ZNF197: variants seen among roughly 807,000 people sequenced by gnomAD.
The protein encoded by ZNF197 is VHL-associated KRAB-A domain-containing protein.
In ZNF197, 14 loss-of-function variants were observed where a neutral mutation model predicts 27.4. The ratio of observed to expected loss-of-function variants is 0.51; its 90% confidence interval spans 0.34 to 0.80. The LOEUF is 0.80. Among genes scored for constraint, ZNF197 ranks in the 30% least tolerant of loss-of-function variants. The pLI is 0.02. For missense variants in ZNF197, 1,090 were observed against 1,222.6 expected (o/e 0.89, Z 1.62); for synonymous variants, 415 against 420.0 (o/e 0.99, Z 0.15).
chr3:44,642,739 C>T lies in ZNF197; in HGVS notation c.1609C>T (p.Pro537Ser). The part of the protein sequence containing the change: ...LHQRIHSGEK[P>S]YKCDECGKTF... ...CCAGAGAATCCACTCTGGGGAAAAA[C>T]CCTATAAATGTGATGAATGTGGAAA... The change falls in exon 6 of 6, where the codon CCC becomes TCC. Residue 537 changes from proline (P) to serine (S), a missense_variant. Transcript: ENST00000344387. 6.2e-7 allele frequency: 1 copy of T among 1,613,774 alleles called. No individual in the cohort carries two copies. Among genetic ancestry groups the T allele is most frequent in the Non-Finnish European group, 8.5e-7 (1 of 1,179,996 alleles).
In ZNF197 at chr3:44,642,242, A is replaced by C; in HGVS notation, c.1112A>C (p.Lys371Thr). The change falls in exon 6 of 6, where the codon AAA becomes ACA. Residue 371 changes from lysine (K) to threonine (T), a missense_variant. Transcript: ENST00000344387. ...GGTACTGAAGGAAAGAAGTTTTATA[A>C]ATGTGATATGTGTTGTAAACATTTT... ...LIGTEGKKFY[K>T]CDMCCKHFNK... The C allele has an allele frequency of 6.2e-7, 1 of 1,614,104 alleles. No homozygotes were observed.
At chr3:44,634,531 C>T (rs1297465378) in intron 5 of ZNF197, among the ~76,000 whole-genome samples, 1 of 151,964 alleles carries the variant, frequency 6.6e-6, no homozygotes, top group Non-Finnish European at 1.5e-5. Flanking sequence ...CTCACTGTAA[C>T]CTCTGCCTCC....
chr3:44,642,719 G>A lies in ZNF197; in HGVS notation c.1589G>A (p.Arg530Lys), dbSNP rs749732592. ...ILKKSLILHQRIHSGEKPYKC... is the reference protein window; with the variant it reads ...ILKKSLILHQKIHSGEKPYKC... ...AAGAAGAGCCTCATTCTGCACCAGA[G>A]AATCCACTCTGGGGAAAAACCCTAT... The change falls in exon 6 of 6, where the codon AGA becomes AAA. Residue 530 changes from arginine to lysine, a missense_variant. Coordinates refer to ENST00000344387, the MANE Select transcript of ZNF197 (RefSeq NM_006991.5). 3.1e-6 allele frequency: 5 copies of A among 1,613,858 alleles called. No homozygotes were observed. In the Admixed American group the frequency reaches 8.3e-5, roughly 27 times the overall value.
At chr3:44,638,234 A>G (rs1702413540) in intron 5 of ZNF197, among the ~76,000 whole-genome samples, 1 of 150,074 alleles carries the variant, frequency 6.7e-6, no homozygotes, top group Non-Finnish European at 1.5e-5. Flanking sequence ...TGTTTTATTA[A>G]TTTTCTTTGT....
In ZNF197 at chr3:44,646,147, C is replaced by G. The variant is rs1219096487; in HGVS notation, c.*1927C>G. 6 of 984,600 alleles carry G rather than the reference C, an allele frequency of 6.1e-6. No individual in the cohort carries two copies. In the African/African-American group the frequency reaches 1.0e-4, roughly 17 times the overall value. The allele number at this position is 984,600 out of a possible 1,614,324, so 61.0% of individuals were successfully genotyped here. ...AAAGTCTTAAGACCTGGATGTGGTT[C>G]AGGTTTTGCCATCTGCCTCAGAAAA... On this transcript the variant is annotated 3_prime_UTR_variant, in exon 6 of 6. Transcript: ENST00000344387.
intron 2 of ZNF197, among the ~76,000 whole-genome samples, chr3:44,630,638 A>G (rs1575462290): frequency 6.6e-6 from 1 of 152,184 alleles, no homozygotes; most frequent in East Asian, 1.9e-4. Flanking sequence ...CTTGGTGCCA[A>G]TTTTAGTGTT....
chr3:44,635,264 A>T (rs2125807933), intron 5 of ZNF197, among the ~76,000 whole-genome samples: 1 of 152,270 alleles, frequency 6.6e-6, no homozygotes, highest in East Asian at 1.9e-4. Context: ...AAATTAAAAA[A>T]AAAATGTGCA....
chr3:44,626,363 G>A (rs1292210497), intron 1 of ZNF197, among the ~76,000 whole-genome samples: 1 of 151,990 alleles, frequency 6.6e-6, no homozygotes, highest in African/African-American at 2.4e-5. Context: ...AGTGAAAAAG[G>A]TCTTTCTAAT....
chr3:44,631,741 G>C (rs1437715872), intron 3 of ZNF197, among the ~76,000 whole-genome samples: 5 of 134,794 alleles, frequency 3.7e-5, no homozygotes, highest in Non-Finnish European at 6.3e-5. Flanking sequence ...TCGCTCTGTT[G>C]CCAGGCTGGA....
At chr3:44,634,919 T>G (rs1483109983) in intron 5 of ZNF197, among the ~76,000 whole-genome samples, 1 of 151,948 alleles carries the variant, frequency 6.6e-6, no homozygotes, top group Non-Finnish European at 1.5e-5. Flanking sequence ...ACTCCTGGCC[T>G]CAAGCAAACC....
At chr3:44,631,844 G>A (rs1702024707) in intron 3 of ZNF197, among the ~76,000 whole-genome samples, 1 of 152,090 alleles carries the variant, frequency 6.6e-6, no homozygotes, top group Non-Finnish European at 1.5e-5. Flanking sequence ...GGGACTACAG[G>A]CACGTGCCAC....
chr3:44,632,300 A>C, intron 4 of ZNF197, 104 bp downstream of exon 4: 1 of 1,523,360 alleles, frequency 6.6e-7, no homozygotes, highest in Admixed American at 1.7e-5. Context: ...CCCATTTCTA[A>C]ATCAGGGTCT....
chr3:44,625,568 G>A (rs1466344001), intron 1 of ZNF197, among the ~76,000 whole-genome samples: 1 of 152,140 alleles, frequency 6.6e-6, no homozygotes, highest in Non-Finnish European at 1.5e-5. Context: ...TTTGTTTTAA[G>A]GGGTGGAACG....
chr3:44,630,981 G>A (rs771049560), intron 2 of ZNF197, 81 bp from the exon 3 acceptor site: 2 of 1,577,184 alleles, frequency 1.3e-6, no homozygotes, highest in South Asian at 1.1e-5. Context: ...GTAGATTGTG[G>A]GCAGAAAGAG....
rs1702861650 is a variant in ZNF197 at position 44,644,829 on chromosome 3, G to A, written c.*609G>A. 1 of 971,904 alleles carries A rather than the reference G, an allele frequency of 1.0e-6. No individual in the cohort carries two copies. Among genetic ancestry groups the A allele is most frequent in the Non-Finnish European group, 1.2e-6 (1 of 817,818 alleles). 60.2% of individuals were successfully genotyped at this position (971,904 alleles called of 1,614,324 possible). On this transcript the variant is annotated 3_prime_UTR_variant, in exon 6 of 6. Coordinates refer to ENST00000344387, the MANE Select transcript of ZNF197 (RefSeq NM_006991.5). ...GAGCCCAGGAGTTCGAGACAAGCCT[G>A]GGTAACACGGGGAGACCCGTCTTTA...
rs77821492 is a variant in ZNF197, at chr3:44,626,209, T to G, written c.-82+1066T>G. 8.8e-3 allele frequency among the ~76,000 whole-genome samples: 1,338 copies of G among 152,306 alleles called. 22 individuals are homozygous for G. The highest frequency in any genetic ancestry group is 0.031 in the African/African-American group (1,280 of 41,554). ...ACTACCAAGTTTTTCTCAATTGCCTTATCCCTACTTCGTTTAGAACTTAAG... is the reference window on the plus strand; with the variant it reads ...ACTACCAAGTTTTTCTCAATTGCCTGATCCCTACTTCGTTTAGAACTTAAG... On this transcript the variant is annotated intron_variant, in intron 1 of 5. Coordinates refer to ENST00000344387, the MANE Select transcript of ZNF197 (RefSeq NM_006991.5).
chr3:44,642,240 T>A lies in ZNF197; in HGVS notation c.1110T>A (p.Tyr370Ter). ...TAGGTACTGAAGGAAAGAAGTTTTATAAATGTGATATGTGTTGTAAACATT... is the reference window on the plus strand; with the variant it reads ...TAGGTACTGAAGGAAAGAAGTTTTAAAAATGTGATATGTGTTGTAAACATT... The part of the protein sequence containing the change: ...SLIGTEGKKF[Y>*]KCDMCCKHFN... The change falls in exon 6 of 6, where the codon TAT becomes TAA. Residue 370 changes from tyrosine (Y) to a stop codon, truncating the protein, a stop_gained. Coordinates refer to ENST00000344387, the MANE Select transcript of ZNF197 (RefSeq NM_006991.5). LOFTEE classifies it low-confidence loss of function (END_TRUNC). 2 of 1,614,100 alleles carry A rather than the reference T, an allele frequency of 1.2e-6. No homozygotes were observed. The highest frequency in any genetic ancestry group is 1.7e-6 in the Non-Finnish European group (2 of 1,179,992).
intron 3 of ZNF197, among the ~76,000 whole-genome samples, chr3:44,631,902 C>A (rs932298273): frequency 6.6e-5 from 10 of 152,184 alleles, no homozygotes; most frequent in Middle Eastern, 3.4e-3. Context: ...AGGGTTTCAC[C>A]ATGTTGGCCA....
At chr3:44,625,209 C>T (rs1701573870) in intron 1 of ZNF197, 66 bp downstream of exon 1, 1 of 152,218 alleles carries the variant, frequency 6.6e-6, no homozygotes, top group African/African-American at 2.4e-5. Flanking sequence ...CGGGCCTGAG[C>T]TTGCTGGGAC....
Sources: allele counts gnomAD v4.1 joint callset (sites outside exome capture counted in the v4.1 genomes callset), GRCh38; gene constraint gnomAD v4.1.1; transcripts MANE v1.5; gene names NCBI Gene and HGNC (gene_info 2026-07-23, HGNC 2026-07-21).